The following DMD variants were observed in gnomAD, a reference collection of about 807,000 sequenced individuals.
The protein encoded by DMD is dystrophin.
Under a neutral mutation model 330.1 loss-of-function variants are expected in DMD, and 63 were observed. That is an observed-to-expected ratio of 0.19 (90% confidence interval 0.16 to 0.24). The LOEUF (loss-of-function observed/expected upper bound fraction) is 0.24. Among genes scored for constraint, DMD ranks in the 10% least tolerant of loss-of-function variants. The pLI is 1.00. For missense variants in DMD, 3,344 were observed against 2,684.1 expected (o/e 1.25, Z -5.43); for synonymous variants, 1,223 against 959.8 (o/e 1.27, Z -5.07).
intron 2 of DMD, among the ~76,000 whole-genome samples, chrX:33,016,759 A>G (rs756206478): frequency 8.9e-6 from 1 of 111,736 alleles, no homozygotes; most frequent in African/African-American, 3.2e-5. Context: ...CTGGCAGTAA[A>G]TATTTTTTCC....
intron 29 of DMD, 69 bp downstream of exon 29, chrX:32,438,172 C>G (rs990406934): frequency 6.4e-6 from 7 of 1,093,957 alleles, no homozygotes; most frequent in Non-Finnish European, 8.8e-6. Context: ...CTCATTTTAT[C>G]TGAGAGGCCT....
chrX:33,233,309 T>C (rs1569558963), intron 1 of DMD, among the ~76,000 whole-genome samples: 2 of 111,782 alleles, frequency 1.8e-5, no homozygotes, highest in Non-Finnish European at 3.8e-5. Context: ...CCCAGAGAAA[T>C]GAAGACTTAT....
At chrX:31,601,087 C>T (rs1488648284) in intron 55 of DMD, among the ~76,000 whole-genome samples, 9 of 111,894 alleles carry the variant, frequency 8.0e-5, no homozygotes, top group Non-Finnish European at 1.7e-4. Flanking sequence ...TTCAGCACTT[C>T]ACAGAGTTAT....
At chrX:32,252,539 T>C (rs2097267644) in intron 43 of DMD, among the ~76,000 whole-genome samples, 1 of 97,106 alleles carries the variant, frequency 1.0e-5, no homozygotes, top group African/African-American at 3.8e-5. Flanking sequence ...AATACAGAAA[T>C]AAAAATAAAG....
chrX:33,121,460 T>A (rs944552278), intron 1 of DMD, among the ~76,000 whole-genome samples: 2 of 111,557 alleles, frequency 1.8e-5, no homozygotes, highest in African/African-American at 3.3e-5. Context: ...CTCGACATCC[T>A]GACCTCAAGT....
intron 7 of DMD, among the ~76,000 whole-genome samples, chrX:32,708,714 G>T (rs1168699526): frequency 9.0e-6 from 1 of 110,997 alleles, no homozygotes; most frequent in East Asian, 2.8e-4. Flanking sequence ...AATTCCTAAG[G>T]AAGAAACGAG....
intron 44 of DMD, among the ~76,000 whole-genome samples, chrX:32,201,482 C>CA (rs2097038217): frequency 2.1e-5 from 2 of 94,566 alleles, no homozygotes; most frequent in African/African-American, 7.8e-5. Context: ...CCCCCCCCCC[C>CA]CAACAAGGAG....
chrX:31,690,959 G>GT (rs2083076735), intron 52 of DMD, among the ~76,000 whole-genome samples: 1 of 110,058 alleles, frequency 9.1e-6, no homozygotes, highest in African/African-American at 3.3e-5. Flanking sequence ...CACACACCGG[G>GT]GCCTGTCGTG....
intron 55 of DMD, among the ~76,000 whole-genome samples, chrX:31,553,151 A>G (rs1007355191): frequency 8.0e-5 from 9 of 111,808 alleles, no homozygotes; most frequent in African/African-American, 2.9e-4. Context: ...AACTCTGGGG[A>G]TGGGGCCCAG....
chrX:32,838,162 T>A (rs1158628806), intron 4 of DMD, among the ~76,000 whole-genome samples: 1 of 111,908 alleles, frequency 8.9e-6, no homozygotes, highest in East Asian at 2.8e-4. Flanking sequence ...GTGCGATACG[T>A]TTTCGTTATT....
At chrX:33,102,912 C>A (rs896393911) in intron 1 of DMD, among the ~76,000 whole-genome samples, 1 of 111,812 alleles carries the variant, frequency 8.9e-6, no homozygotes, top group Non-Finnish European at 1.9e-5. Context: ...CATACTTAAA[C>A]CCGTAAATGG....
chrX:32,033,234 G>A (rs752264074), intron 44 of DMD, among the ~76,000 whole-genome samples: 5 of 111,040 alleles, frequency 4.5e-5, no homozygotes, highest in Non-Finnish European at 7.6e-5. Context: ...GGGATAGGGC[G>A]AAATAGGAAG....
chrX:31,758,596 C>T (rs1444846466), intron 51 of DMD, among the ~76,000 whole-genome samples: 1 of 111,513 alleles, frequency 9.0e-6, no homozygotes, highest in Non-Finnish European at 1.9e-5. Context: ...AGACACTATA[C>T]TACCATTGCC....
At chrX:32,142,342 C>A (rs1039310256) in intron 44 of DMD, among the ~76,000 whole-genome samples, 2 of 112,121 alleles carry the variant, frequency 1.8e-5, no homozygotes, top group East Asian at 5.6e-4. Context: ...CCTCACCAAC[C>A]TTTACGGCCC....
chrX:31,362,045 C>T (rs2058967079), intron 60 of DMD, among the ~76,000 whole-genome samples: 1 of 112,282 alleles, frequency 8.9e-6, no homozygotes, highest in African/African-American at 3.2e-5. Flanking sequence ...TTTCAAAATA[C>T]AGTGATTAGA....
At chrX:33,146,211 A>G (rs2048023632) in intron 1 of DMD, among the ~76,000 whole-genome samples, 1 of 110,409 alleles carries the variant, frequency 9.1e-6, no homozygotes, top group Middle Eastern at 4.2e-3. Flanking sequence ...ACCACTTTCT[A>G]ATATAAAACA....
intron 71 of DMD, among the ~76,000 whole-genome samples, chrX:31,174,607 C>T (rs1451132574): frequency 2.7e-5 from 3 of 111,142 alleles, no homozygotes; most frequent in Non-Finnish European, 5.7e-5. Context: ...GGCATAAATC[C>T]AAAAGTCAAC....
intron 44 of DMD, among the ~76,000 whole-genome samples, chrX:32,019,058 G>A (rs113723051): frequency 9.2e-6 from 1 of 109,249 alleles, no homozygotes; most frequent in Non-Finnish European, 1.9e-5. Flanking sequence ...ATGTAAAGCT[G>A]TATTAACTTT....
chrX:32,358,344 C>T (rs2097814819), intron 37 of DMD, among the ~76,000 whole-genome samples: 1 of 111,076 alleles, frequency 9.0e-6, no homozygotes, highest in African/African-American at 3.3e-5. Context: ...ATGGTATCCA[C>T]TTGCCCTCAG....
Sources: allele counts gnomAD v4.1 joint callset (sites outside exome capture counted in the v4.1 genomes callset), GRCh38; gene constraint gnomAD v4.1.1; transcripts MANE v1.5; gene names NCBI Gene and HGNC (gene_info 2026-07-23, HGNC 2026-07-21).